DNM3: variants seen among roughly 807,000 people sequenced by gnomAD.
The protein encoded by DNM3 is dynamin-3.
DNM3 carries 47 observed loss-of-function variants against 101.6 expected under a neutral mutation model. The ratio of observed to expected loss-of-function variants is 0.46; its 90% confidence interval spans 0.37 to 0.59. The LOEUF is 0.59. Among genes scored for constraint, DNM3 ranks in the 20% least tolerant of loss-of-function variants. DNM3 has a pLI of 0.00. For missense variants in DNM3, 849 were observed against 1,085.7 expected, an observed-to-expected ratio of 0.78 and a Z score of 3.06; for synonymous variants, 385 against 387.9, an observed-to-expected ratio of 0.99 and a Z score of 0.09.
exon 21 of DNM3, chr1:172,418,318 C>A (rs1234783420): frequency 1.6e-6 from 2 of 1,289,020 alleles, no homozygotes; most frequent in East Asian, 5.6e-5. Context: ...ACCATCCTAA[C>A]CCCCATCATT....
At chr1:172,013,671 ATT>A (rs1328838590) in intron 4 of DNM3, among the ~76,000 whole-genome samples, 2 of 152,162 alleles carry the variant, frequency 1.3e-5, no homozygotes, top group African/African-American at 4.8e-5. Flanking sequence ...TCTGAAAGAA[ATT>A]TTGAAGGATA....
At chr1:172,217,000 T>A (rs1427314996) in intron 14 of DNM3, among the ~76,000 whole-genome samples, 2 of 152,136 alleles carry the variant, frequency 1.3e-5, no homozygotes, top group African/African-American at 2.4e-5. Context: ...AAAAATTAGG[T>A]CATTTAAAAG....
At chr1:172,070,865 A>G (rs1194783801) in intron 11 of DNM3, among the ~76,000 whole-genome samples, 3 of 151,784 alleles carry the variant, frequency 2.0e-5, no homozygotes, top group Non-Finnish European at 1.5e-5. Flanking sequence ...AGGCAGGCAG[A>G]TTGCTTGAGG....
In DNM3 at chr1:172,253,676, A is replaced by G; in HGVS notation, c.1763A>G (p.Glu588Gly). ...CACATCTTTGCACTCTTTAATACAG[A>G]GCAAAGGTAAGAAATTGAAACAGTT... ...SKHIFALFNT[E>G]QRNVYKDYRF... is the part of the protein sequence containing the mutation. The change falls in exon 15 of 21, where the codon GAG becomes GGG. Residue 588 changes from glutamate (E) to glycine (G), a missense_variant. Physicochemically the swap from Glu to Gly is moderately conservative, Grantham distance 98. Coordinates refer to ENST00000627582, the MANE Select transcript of DNM3 (RefSeq NM_015569.5). The G allele has an allele frequency of 6.4e-7, 1 of 1,552,228 alleles. No individual in the cohort carries two copies.
intron 2 of DNM3, among the ~76,000 whole-genome samples, chr1:171,940,282 G>A (rs1189065045): frequency 6.6e-6 from 1 of 152,140 alleles, no homozygotes; most frequent in African/African-American, 2.4e-5. Context: ...TTTTCCCAAA[G>A]TGTATTTGTT....
chr1:172,358,293 A>G (rs2067551441), intron 17 of DNM3, among the ~76,000 whole-genome samples: 1 of 152,082 alleles, frequency 6.6e-6, no homozygotes. Flanking sequence ...AATGACCACT[A>G]TGGAAAGAAC....
chr1:172,079,581 G>A (rs906112233), intron 11 of DNM3, among the ~76,000 whole-genome samples: 1 of 152,020 alleles, frequency 6.6e-6, no homozygotes, highest in Admixed American at 6.6e-5. Context: ...CTTTAGCTTG[G>A]AGGAGTTTGT....
intron 14 of DNM3, among the ~76,000 whole-genome samples, chr1:172,146,952 G>A (rs1337127133): frequency 1.3e-5 from 2 of 152,034 alleles, no homozygotes; most frequent in Non-Finnish European, 2.9e-5. Context: ...TTTCCATCAA[G>A]TGACTTAACT....
chr1:172,008,862 T>C (rs930127123), intron 4 of DNM3, among the ~76,000 whole-genome samples: 1 of 139,306 alleles, frequency 7.2e-6, no homozygotes, highest in Non-Finnish European at 1.5e-5. Flanking sequence ...ATTATATTAC[T>C]ATATAAATAA....
At chr1:172,108,021 T>C (rs2055189455) in intron 13 of DNM3, among the ~76,000 whole-genome samples, 1 of 152,054 alleles carries the variant, frequency 6.6e-6, no homozygotes, top group Non-Finnish European at 1.5e-5. Flanking sequence ...GTTAACCTTC[T>C]GGTCTCCATT....
At chr1:172,367,274 A>T (rs2068070706) in intron 17 of DNM3, among the ~76,000 whole-genome samples, 1 of 151,920 alleles carries the variant, frequency 6.6e-6, no homozygotes, top group South Asian at 2.1e-4. Context: ...TCAGAAATGA[A>T]GGGGAAATAA....
intron 2 of DNM3, among the ~76,000 whole-genome samples, chr1:171,959,442 A>T (rs2043068102): frequency 6.6e-6 from 1 of 152,170 alleles, no homozygotes; most frequent in African/African-American, 2.4e-5. Flanking sequence ...TTATTCAGGA[A>T]CAATGATGAG....
At chr1:172,228,756 A>C (rs10911338) in intron 14 of DNM3, among the ~76,000 whole-genome samples, 25,988 of 152,014 alleles carry the variant, frequency 0.17, 2,531 homozygotes, top group East Asian at 0.28. Flanking sequence ...TATCCCTCAG[A>C]ATAATTTTAT....
At chr1:172,416,877 G>C (rs1440459463), downstream of DNM3, among the ~76,000 whole-genome samples, 1 of 152,108 alleles carries the variant, frequency 6.6e-6, no homozygotes, top group African/African-American at 2.4e-5. Flanking sequence ...AAGTTGAAAG[G>C]TTAGGTACCA....
intron 2 of DNM3, among the ~76,000 whole-genome samples, chr1:171,945,980 G>A (rs1421367149): frequency 1.3e-5 from 2 of 152,196 alleles, no homozygotes; most frequent in African/African-American, 4.8e-5. Context: ...ATCATAGTGA[G>A]AATGTAGGAG....
In DNM3 at chr1:171,875,813, C is replaced by CTTTTTTTTTTTTTTTTTTTTTTTTTTTTT. The variant is rs60523795; in HGVS notation, c.161+34012_161+34013insTTTTTTTTTTTTTTTTTTTTTTTTTTTTT. Among the ~76,000 whole-genome samples, 4 of 104,682 alleles carry CTTTTTTTTTTTTTTTTTTTTTTTTTTTTT rather than the reference C, an allele frequency of 3.8e-5. 1 individual carries two copies. Among genetic ancestry groups the CTTTTTTTTTTTTTTTTTTTTTTTTTTTTT allele is most frequent in the Non-Finnish European group, 3.6e-5 (2 of 56,004 alleles). The allele number at this position is 104,682 out of a possible 152,430, so 68.7% of individuals were successfully genotyped here. On this transcript the variant is annotated intron_variant, in intron 1 of 20. Transcript: ENST00000627582. ...CAAGTCTAAAAAAAGAGTTGTCTCT[C>CTTTTTTTTTTTTTTTTTTTTTTTTTTTTT]TTTTTTTTTTTTTTTTGAGATGGAG...
At chr1:171,883,631 C>G (rs1430081019) in intron 1 of DNM3, among the ~76,000 whole-genome samples, 2 of 152,012 alleles carry the variant, frequency 1.3e-5, no homozygotes. Flanking sequence ...ACCACCACAC[C>G]TGGCTAATTT....
At chr1:172,154,624 G>A (rs2058268129) in intron 14 of DNM3, among the ~76,000 whole-genome samples, 1 of 152,054 alleles carries the variant, frequency 6.6e-6, no homozygotes, top group Admixed American at 6.6e-5. Context: ...TCCATTTTTA[G>A]ATCCCACCCC....
intron 13 of DNM3, among the ~76,000 whole-genome samples, chr1:172,127,384 A>AATTATT (rs747494041): frequency 6.9e-5 from 8 of 115,644 alleles, no homozygotes; most frequent in African/African-American, 1.3e-4. Context: ...CTTACTCTCT[A>AATTATT]CTTATTATTA....
Sources: allele counts gnomAD v4.1 joint callset (sites outside exome capture counted in the v4.1 genomes callset), GRCh38; gene constraint gnomAD v4.1.1; transcripts MANE v1.5; gene names NCBI Gene and HGNC (gene_info 2026-07-23, HGNC 2026-07-21).